AVL9: variants seen among roughly 807,000 people sequenced by gnomAD.
The protein encoded by AVL9 is late secretory pathway protein AVL9 homolog.
In AVL9, 49 loss-of-function variants were observed where a neutral mutation model predicts 79.2. The ratio of observed to expected loss-of-function variants is 0.62; its 90% CI spans 0.49 to 0.79. The LOEUF (loss-of-function observed/expected upper bound fraction) is 0.79, where lower values mean the gene tolerates loss of function less well. AVL9 is among the 30% of genes least tolerant of loss of function. The pLI is 0.00. For missense variants in AVL9, 682 were observed against 776.8 expected, an observed-to-expected ratio of 0.88 and a Z score of 1.45; for synonymous variants, 299 against 280.6, an observed-to-expected ratio of 1.07 and a Z score of -0.65.
intron 1 of AVL9, chr7:32,537,469 T>G (rs1377925778): frequency 4.1e-5 from 6 of 146,216 alleles, no homozygotes; most frequent in African/African-American, 1.5e-4. Context: ...TTTTTTTTTT[T>G]TTTTTTTTTT....
At chr7:32,525,377 C>T (rs1296917804) in intron 1 of AVL9, among the ~76,000 whole-genome samples, 1 of 152,096 alleles carries the variant, frequency 6.6e-6, no homozygotes, top group Non-Finnish European at 1.5e-5. Context: ...GGTAAAGTTC[C>T]AACAAAGCCA....
chr7:32,583,868 C>A lies in AVL9; in HGVS notation c.1908C>A (p.Thr636=). Reference sequence around the variant, plus strand: ...GGCTTTCCACTTTCACCACTTCCACCTCCCAAAGTCTCACTGAGCCACCAG... The same window carrying A: ...GGCTTTCCACTTTCACCACTTCCACATCCCAAAGTCTCACTGAGCCACCAG... ...SSWLSTFTTS[T]SQSLTEPPDE... is the part of the protein sequence containing the mutation. The change falls in exon 16 of 16, where the codon ACC becomes ACA. Residue 636 remains threonine, a synonymous_variant. Coordinates refer to ENST00000318709, the MANE Select transcript of AVL9 (RefSeq NM_015060.3). 6.2e-7 allele frequency: 1 copy of A among 1,614,028 alleles called. No individual in the cohort carries two copies. Among genetic ancestry groups the A allele is most frequent in the Non-Finnish European group, 8.5e-7 (1 of 1,179,974 alleles).
intron 1 of AVL9, chr7:32,533,674 A>G (rs1013224442): frequency 2.6e-5 from 4 of 152,226 alleles, no homozygotes; most frequent in African/African-American, 4.8e-5. Context: ...CTAAAATATT[A>G]TGACTATTAA....
chr7:32,552,214 A>G lies in AVL9; in HGVS notation c.463-15A>G, dbSNP rs775163716. ...ATGATAGTAAAATGTGCTAAATTCA[A>G]TCTATATTTTATAGGAGCTTTATGA... On this transcript the variant is annotated splice_polypyrimidine_tract_variant and intron_variant, in intron 5 of 15. Coordinates refer to ENST00000318709, the MANE Select transcript of AVL9 (RefSeq NM_015060.3). 1.3e-6 allele frequency: 2 copies of G among 1,506,560 alleles called. No homozygotes were observed. The highest frequency in any genetic ancestry group is 9.2e-7 in the Non-Finnish European group (1 of 1,086,930). 93.3% of individuals were successfully genotyped at this position (1,506,560 alleles called of 1,614,324 possible). A position where few individuals can be genotyped will look rare whatever the true frequency, so the allele number is the denominator to read the frequency against.
rs759953528 is a variant in AVL9, at chr7:32,585,770, G to C, written c.*1863G>C. 15 of 152,184 alleles carry C rather than the reference G, an allele frequency of 9.9e-5. No individual in the cohort carries two copies. The highest frequency in any genetic ancestry group is 7.2e-4 in the Admixed American group (11 of 15,284). 9.4% of individuals were successfully genotyped at this position (152,184 alleles called of 1,614,324 possible). A position where few individuals can be genotyped will look rare whatever the true frequency, so the allele number is the denominator to read the frequency against. On this transcript the variant is annotated 3_prime_UTR_variant, in exon 16 of 16. Coordinates refer to ENST00000318709, the MANE Select transcript of AVL9 (RefSeq NM_015060.3). ...GATGATAAATTGAAGGGCTGAATGTGAGAACTCCATTAATTCCACTTCTTC... is the reference window on the plus strand; with the variant it reads ...GATGATAAATTGAAGGGCTGAATGTCAGAACTCCATTAATTCCACTTCTTC...
chr7:32,572,427 ATTTCT>A (rs975261142), intron 11 of AVL9, among the ~76,000 whole-genome samples: 5 of 149,944 alleles, frequency 3.3e-5, no homozygotes, highest in African/African-American at 1.2e-4. Context: ...GTTCGTAGGA[ATTTCT>A]TTTATTATTA....
chr7:32,578,251 C>G (rs1791187341), intron 13 of AVL9, among the ~76,000 whole-genome samples: 1 of 152,104 alleles, frequency 6.6e-6, no homozygotes. Flanking sequence ...GTAAATGTTT[C>G]TTTCAGACCT....
chr7:32,544,591 A>T lies in AVL9; in HGVS notation c.215-103A>T, dbSNP rs867965264. ...TATGATTTGGATTCCTTGTTTTATC[A>T]TCATTTTTGTGTTAATGACTGCATT... On this transcript the variant is annotated intron_variant, in intron 2 of 15. Coordinates refer to ENST00000318709, the MANE Select transcript of AVL9 (RefSeq NM_015060.3). The T allele has an allele frequency of 5.3e-5, 39 of 741,456 alleles. No individual in the cohort carries two copies. The Middle Eastern group carries it at 1.1e-3, about 20-fold the overall frequency. The allele number at this position is 741,456 out of a possible 1,614,324, so 45.9% of individuals were successfully genotyped here. A position where few individuals can be genotyped will look rare whatever the true frequency, so the allele number is the denominator to read the frequency against.
chr7:32,573,378 G>T lies in AVL9; in HGVS notation c.1530G>T (p.Ala510=). Residue 510 remains alanine (A), a synonymous_variant, in exon 12 of 16, where the codon GCG becomes GCT. Transcript: ENST00000318709. ...ACGAATGGATCCGGGCCCAGTTTGCGGTCTACATTCATGCCCTGCTGGCTG... is the reference window on the plus strand; with the variant it reads ...ACGAATGGATCCGGGCCCAGTTTGCTGTCTACATTCATGCCCTGCTGGCTG... ...GGDEWIRAQF[A]VYIHALLAAT... is the part of the protein sequence containing the mutation. 6.2e-7 allele frequency: 1 copy of T among 1,613,486 alleles called. No individual in the cohort carries two copies. The highest frequency in any genetic ancestry group is 8.5e-7 in the Non-Finnish European group (1 of 1,179,968).
At chr7:32,497,092 C>G (rs1786858785) in intron 1 of AVL9, among the ~76,000 whole-genome samples, 1 of 147,418 alleles carries the variant, frequency 6.8e-6, no homozygotes, top group Non-Finnish European at 1.5e-5. Context: ...AGAGCAAGAC[C>G]CTGTCTCAAT....
At chr7:32,549,668 A>G (rs1789710002) in intron 4 of AVL9, among the ~76,000 whole-genome samples, 1 of 151,740 alleles carries the variant, frequency 6.6e-6, no homozygotes, top group South Asian at 2.1e-4. Flanking sequence ...TAATACCAGC[A>G]CTTTGGAAGG....
intron 1 of AVL9, among the ~76,000 whole-genome samples, chr7:32,527,639 A>G (rs1386307426): frequency 6.6e-6 from 1 of 152,098 alleles, no homozygotes; most frequent in African/African-American, 2.4e-5. Context: ...TGCTGACTCT[A>G]ACACCCTTGA....
chr7:32,502,709 A>G (rs1787196229), intron 1 of AVL9, among the ~76,000 whole-genome samples: 2 of 152,108 alleles, frequency 1.3e-5, no homozygotes, highest in Admixed American at 1.3e-4. Flanking sequence ...ATTAAAATGG[A>G]TTTTGAAACA....
intron 1 of AVL9, among the ~76,000 whole-genome samples, chr7:32,519,952 GCAACACAC>G (rs1788070744): frequency 1.3e-5 from 2 of 152,096 alleles, no homozygotes; most frequent in Admixed American, 1.3e-4. Context: ...AGGGGAAAGT[GCAACACAC>G]TTTCAAAAAC....
intron 1 of AVL9, 142 bp from the exon 2 acceptor site, chr7:32,542,999 T>C (rs1789287665): frequency 1.4e-5 from 14 of 1,018,442 alleles, no homozygotes; most frequent in South Asian, 9.8e-5. Context: ...ATGCCATAGG[T>C]TTGCTGATGA....
chr7:32,561,649 C>CAAAACAAAAACA (rs537357205), intron 10 of AVL9, among the ~76,000 whole-genome samples: 2 of 152,046 alleles, frequency 1.3e-5, no homozygotes, highest in African/African-American at 4.8e-5. Context: ...AAAAACAAAA[C>CAAAACAAAAACA]AAAACAAAAA....
intron 11 of AVL9, 45 bp downstream of exon 11, chr7:32,570,199 G>A: frequency 1.9e-6 from 3 of 1,608,662 alleles, no homozygotes. Context: ...GCTCATCCCA[G>A]TTTTCCTTTC....
At chr7:32,514,219 G>A (rs1787812622) in intron 1 of AVL9, among the ~76,000 whole-genome samples, 2 of 152,144 alleles carry the variant, frequency 1.3e-5, no homozygotes, top group South Asian at 4.2e-4. Context: ...CCCTTCCCAC[G>A]AGGCCATATC....
Position 32,579,467 on chromosome 7 carries a change from ATATAT to A in AVL9, c.1689-741_1689-737del, listed in dbSNP as rs1432351887. Among the ~76,000 whole-genome samples, 5 of 2,616 alleles carry A rather than the reference ATATAT, an allele frequency of 1.9e-3. 2 individuals are homozygous for A. The highest frequency in any genetic ancestry group is 2.5e-3 in the Non-Finnish European group (4 of 1,618). The allele number at this position is 2,616 out of a possible 152,430, so 1.7% of individuals were successfully genotyped here. A position where few individuals can be genotyped will look rare whatever the true frequency, so the allele number is the denominator to read the frequency against. On this transcript the variant is annotated intron_variant, in intron 13 of 15. Coordinates refer to ENST00000318709, the MANE Select transcript of AVL9 (RefSeq NM_015060.3). ...TATAATATATTATATATTATATATAATATATTATATTATATATAATATATTACATA... is the reference window on the plus strand; with the variant it reads ...TATAATATATTATATATTATATATAATATATTATATATAATATATTACATA...
Sources: gnomAD v4.1 joint callset for allele counts (sites outside exome capture counted in the v4.1 genomes callset) on GRCh38, gnomAD v4.1.1 for gene constraint, MANE v1.5 for transcripts, NCBI Gene and HGNC (gene_info 2026-07-23, HGNC 2026-07-21) for gene names.